Variants in FRMD4A observed in about 807,000 individuals in gnomAD.
The protein encoded by FRMD4A is FERM domain-containing protein 4A.
Under a neutral mutation model 129.1 loss-of-function variants are expected in FRMD4A, and 29 were observed. That is an observed-to-expected ratio of 0.22 (90% CI 0.17 to 0.31). The LOEUF (loss-of-function observed/expected upper bound fraction) is 0.31, where lower values mean the gene tolerates loss of function less well. Among genes scored for constraint, FRMD4A ranks in the 10% least tolerant of loss-of-function variants. FRMD4A has a pLI of 1.00. For missense variants in FRMD4A, 1,272 were observed against 1,375.8 expected (o/e 0.92, Z 1.19); for synonymous variants, 634 against 571.6 (o/e 1.11, Z -1.56).
At chr10:14,116,717 T>C (rs1468331627) in intron 2 of FRMD4A, among the ~76,000 whole-genome samples, 2 of 152,190 alleles carry the variant, frequency 1.3e-5, no homozygotes, top group Admixed American at 1.3e-4. Flanking sequence ...CCCAGTCCCC[T>C]GGCCCTCCAT....
Position 13,866,687 on chromosome 10 carries a change from A to T in FRMD4A, c.46-7775T>A, listed in dbSNP as rs137897369. On this transcript the variant is annotated intron_variant, in intron 2 of 24. Coordinates refer to ENST00000357447, the MANE Select transcript of FRMD4A (RefSeq NM_018027.5). ...CAGGCAATTTAAAATCTGTTAAAAC[A>T]TTAATCCCTGCCCTGTAATCCCAGC... is the stretch of plus-strand genomic sequence containing the variant. Among the ~76,000 whole-genome samples the T allele has an allele frequency of 2.7e-4, 41 of 152,298 alleles. No homozygotes were observed. In the East Asian group the frequency reaches 7.7e-3, roughly 29 times the overall value.
At chr10:13,853,786 T>C (rs1456516397) in intron 3 of FRMD4A, among the ~76,000 whole-genome samples, 3 of 138,200 alleles carry the variant, frequency 2.2e-5, no homozygotes, top group Non-Finnish European at 4.5e-5. Flanking sequence ...GAGCCAAGAT[T>C]GCACCACTGC....
rs1002276666 is a variant in FRMD4A, at chr10:14,211,601, T to C, written c.45+118457A>G. ...CTTTCTCCTGCCATGATAAGATCTT[T>C]AGGGTCAAAGATTGTATTCTACTTA... On this transcript the variant is annotated intron_variant, in intron 2 of 24. Transcript: ENST00000357447. Among the ~76,000 whole-genome samples, 4 of 152,200 alleles carry C rather than the reference T, an allele frequency of 2.6e-5. 1 individual carries two copies. The highest frequency in any genetic ancestry group is 4.4e-5 in the Non-Finnish European group (3 of 68,026).
At chr10:13,936,214 A>T (rs998782706) in intron 2 of FRMD4A, among the ~76,000 whole-genome samples, 6 of 152,204 alleles carry the variant, frequency 3.9e-5, no homozygotes, top group Admixed American at 2.6e-4. Flanking sequence ...GTATGATCTT[A>T]GGGGAAAGTA....
At position 13,972,267 on chromosome 10, in the gene FRMD4A, C is replaced by T. The variant is rs370785364; in HGVS notation, c.46-113355G>A. ...GCTGCAGCCTTCCCTGCAACATTCC[C>T]CAGACATTCCATCCCTTTTCTTAAC... On this transcript the variant is annotated intron_variant, in intron 2 of 24. Transcript: ENST00000357447. The T allele has an allele frequency of 4.8e-4, 478 of 990,530 alleles. 9 individuals carry two copies. In the South Asian group the frequency reaches 0.019, roughly 40 times the overall value. The allele number at this position is 990,530 out of a possible 1,614,324, so 61.4% of individuals were successfully genotyped here. A position where few individuals can be genotyped will look rare whatever the true frequency, so the allele number is the denominator to read the frequency against.
intron 2 of FRMD4A, among the ~76,000 whole-genome samples, chr10:14,210,992 G>T (rs1164382987): frequency 6.6e-6 from 1 of 152,162 alleles, no homozygotes; most frequent in African/African-American, 2.4e-5. Flanking sequence ...TTCCCAAAGT[G>T]CTGGGATTAC....
In FRMD4A at chr10:14,153,931, C is replaced by T. The variant is rs553333265; in HGVS notation, c.45+176127G>A. 1.9e-4 allele frequency among the ~76,000 whole-genome samples: 29 copies of T among 152,290 alleles called. No individual in the cohort carries two copies. In the South Asian group the frequency reaches 4.4e-3, roughly 23 times the overall value. On this transcript the variant is annotated intron_variant, in intron 2 of 24. Transcript: ENST00000357447. ...AATTCTCACTCCTGGCAGATGGCTC[C>T]GCCTCTGCCCTCCAGTAACCTCCTT... is the stretch of plus-strand genomic sequence containing the variant.
intron 2 of FRMD4A, among the ~76,000 whole-genome samples, chr10:14,288,334 G>C (rs1262658371): frequency 6.6e-6 from 1 of 152,120 alleles, no homozygotes; most frequent in Non-Finnish European, 1.5e-5. Context: ...TGGAGGTGGT[G>C]GGGGCTGGAG....
At chr10:14,086,225 G>T (rs892407569) in intron 2 of FRMD4A, among the ~76,000 whole-genome samples, 3 of 152,142 alleles carry the variant, frequency 2.0e-5, no homozygotes, top group African/African-American at 7.2e-5. Context: ...TAAACAGAAA[G>T]CTTATTGAGG....
At chr10:13,886,934 A>C (rs2094630010) in intron 2 of FRMD4A, among the ~76,000 whole-genome samples, 1 of 152,260 alleles carries the variant, frequency 6.6e-6, no homozygotes, top group Non-Finnish European at 1.5e-5. Flanking sequence ...CTAAGAAGGC[A>C]GGAGCAAAAA....
rs1048209740 is a variant in FRMD4A, at chr10:14,254,534, A to T, written c.45+75524T>A. On this transcript the variant is annotated intron_variant, in intron 2 of 24. Transcript: ENST00000357447. ...AGTGGGAGCCAGCTAATGCTGGAAG[A>T]TCCAGTTTGGATCACATGTTTTCCT... is the stretch of plus-strand genomic sequence containing the variant. Among the ~76,000 whole-genome samples, 69 of 152,224 alleles carry T rather than the reference A, an allele frequency of 4.5e-4. 1 individual carries two copies. Among genetic ancestry groups the T allele is most frequent in the African/African-American group, 1.7e-3 (69 of 41,548 alleles).
chr10:14,146,789 T>C (rs1287877476), intron 2 of FRMD4A, among the ~76,000 whole-genome samples: 1 of 152,206 alleles, frequency 6.6e-6, no homozygotes, highest in Non-Finnish European at 1.5e-5. Flanking sequence ...AGTACCTTTG[T>C]CTCACCAAGA....
At chr10:14,113,969 C>T (rs771106427) in intron 2 of FRMD4A, among the ~76,000 whole-genome samples, 5 of 152,182 alleles carry the variant, frequency 3.3e-5, no homozygotes, top group Non-Finnish European at 5.9e-5. Context: ...GCCAAGGATG[C>T]GAGAGCTACT....
intron 3 of FRMD4A, among the ~76,000 whole-genome samples, chr10:13,849,454 C>T (rs2094109618): frequency 1.3e-5 from 2 of 150,808 alleles, no homozygotes; most frequent in African/African-American, 4.9e-5. Flanking sequence ...GGGATTCCTG[C>T]TTTACTTGGT....
At chr10:14,146,138 G>T (rs1840063760) in intron 2 of FRMD4A, among the ~76,000 whole-genome samples, 1 of 152,142 alleles carries the variant, frequency 6.6e-6, no homozygotes, top group African/African-American at 2.4e-5. Context: ...AGGACTCTTA[G>T]AGTCATTGTA....
At chr10:14,045,344 CT>C (rs1437988491) in intron 2 of FRMD4A, among the ~76,000 whole-genome samples, 1 of 152,134 alleles carries the variant, frequency 6.6e-6, no homozygotes, top group Non-Finnish European at 1.5e-5. Context: ...CACTGTACCG[CT>C]TTTTCAAGGT....
chr10:14,256,676 C>T (rs1391695905), intron 2 of FRMD4A, among the ~76,000 whole-genome samples: 4 of 152,136 alleles, frequency 2.6e-5, no homozygotes, highest in East Asian at 1.9e-4. Context: ...ATTCCACAAA[C>T]GGAATTTTTG....
At chr10:13,702,482 T>C (rs1363316302) in intron 13 of FRMD4A, among the ~76,000 whole-genome samples, 1 of 152,138 alleles carries the variant, frequency 6.6e-6, no homozygotes, top group Non-Finnish European at 1.5e-5. Flanking sequence ...CTTAGTGAAG[T>C]ATATTTTATA....
intron 12 of FRMD4A, 160 bp from the exon 13 acceptor site, chr10:13,707,273 TAC>T (rs1175253259): frequency 6.2e-4 from 458 of 734,628 alleles, no homozygotes; most frequent in Non-Finnish European, 7.5e-4. Flanking sequence ...CACACACACA[TAC>T]ACACACACAC....
Sources: allele counts gnomAD v4.1 joint callset (sites outside exome capture counted in the v4.1 genomes callset), GRCh38; gene constraint gnomAD v4.1.1; transcripts MANE v1.5; gene names NCBI Gene and HGNC (gene_info 2026-07-23, HGNC 2026-07-21).